SCHIP1: variants seen among roughly 807,000 people sequenced by gnomAD.
The protein encoded by SCHIP1 is schwannomin interacting protein 1, also known as schwannomin-interacting protein 1.
A neutral mutation model predicts 29.7 loss-of-function variants in SCHIP1; 8 were observed. That is an observed-to-expected ratio of 0.27 (90% CI 0.16 to 0.49). The LOEUF (loss-of-function observed/expected upper bound fraction) is 0.49. SCHIP1 is among the 20% of genes least tolerant of loss of function. The probability of loss-of-function intolerance (pLI) is 0.99; values close to 1 mark genes in which losing one functional copy is unlikely to be tolerated. For missense variants in SCHIP1, 193 were observed against 294.6 expected (o/e 0.66, Z 2.52); for synonymous variants, 76 against 94.9 (o/e 0.80, Z 1.16).
chr3:159,310,334 C>T, the SCHIP1 span, among the ~76,000 whole-genome samples: 2 of 152,158 alleles, frequency 1.3e-5, no homozygotes, highest in Non-Finnish European at 2.9e-5. Context: ...CCTTACTTCT[C>T]TCTCGCAGCC....
the SCHIP1 span, among the ~76,000 whole-genome samples, chr3:159,381,000 G>A: frequency 6.6e-6 from 1 of 152,192 alleles, no homozygotes; most frequent in Non-Finnish European, 1.5e-5. Context: ...CTATAAATGT[G>A]CAAATAAGTG....
chr3:159,325,205 A>G, the SCHIP1 span, among the ~76,000 whole-genome samples: 2 of 152,124 alleles, frequency 1.3e-5, no homozygotes, highest in Non-Finnish European at 2.9e-5. Context: ...AATTATTAAG[A>G]TAAGAATTAG....
chr3:159,826,693 T>C, the SCHIP1 span, among the ~76,000 whole-genome samples: 1 of 152,236 alleles, frequency 6.6e-6, no homozygotes, highest in Non-Finnish European at 1.5e-5. Context: ...GGTAGGTTTA[T>C]CTAAGATGCT....
chr3:159,549,205 C>T, the SCHIP1 span, among the ~76,000 whole-genome samples: 1 of 152,144 alleles, frequency 6.6e-6, no homozygotes, highest in African/African-American at 2.4e-5. Context: ...GAATTTGAGA[C>T]TTCCCCATTC....
At chr3:159,543,565 G>A in the SCHIP1 span, among the ~76,000 whole-genome samples, 1 of 151,362 alleles carries the variant, frequency 6.6e-6, no homozygotes, top group Non-Finnish European at 1.5e-5. Flanking sequence ...TTTTATGGCT[G>A]CATAGTATTC....
At chr3:159,392,162 G>A in the SCHIP1 span, among the ~76,000 whole-genome samples, 2 of 152,076 alleles carry the variant, frequency 1.3e-5, no homozygotes, top group African/African-American at 4.8e-5. Context: ...ATCAGCTTTA[G>A]TTATTTCATT....
chr3:159,327,154 A>G, the SCHIP1 span, among the ~76,000 whole-genome samples: 4 of 152,204 alleles, frequency 2.6e-5, no homozygotes, highest in Admixed American at 6.5e-5. Flanking sequence ...GTTGGTTTAA[A>G]ATTTCAAGGG....
At chr3:159,884,757 T>C (rs1170258318) in intron 2 of SCHIP1, among the ~76,000 whole-genome samples, 1 of 152,170 alleles carries the variant, frequency 6.6e-6, no homozygotes, top group Non-Finnish European at 1.5e-5. Context: ...GCTTTTGTAA[T>C]GTGCCTGGAG....
the SCHIP1 span, among the ~76,000 whole-genome samples, chr3:159,397,264 G>A: frequency 6.6e-6 from 1 of 151,928 alleles, no homozygotes; most frequent in Admixed American, 6.6e-5. Flanking sequence ...CCTTTGGTTT[G>A]AATGTCCTCC....
the SCHIP1 span, among the ~76,000 whole-genome samples, chr3:159,731,844 A>G: frequency 6.6e-6 from 1 of 152,030 alleles, no homozygotes; most frequent in African/African-American, 2.4e-5. Flanking sequence ...AGCCCACCAA[A>G]TATCTTTCTT....
chr3:159,542,875 T>C, the SCHIP1 span, among the ~76,000 whole-genome samples: 1,466 of 151,950 alleles, frequency 9.6e-3, 18 homozygotes, highest in Admixed American at 0.023. Flanking sequence ...ATAGTGCACA[T>C]TGCAAATTAG....
chr3:159,279,837 A>G, the SCHIP1 span, among the ~76,000 whole-genome samples: 88 of 152,302 alleles, frequency 5.8e-4, 1 homozygote, highest in South Asian at 0.011. Flanking sequence ...CCAGAAACCC[A>G]TGGAAAGGCA....
chr3:159,467,046 C>G, the SCHIP1 span, among the ~76,000 whole-genome samples: 1 of 152,050 alleles, frequency 6.6e-6, no homozygotes, highest in Non-Finnish European at 1.5e-5. Context: ...TATAAAACCT[C>G]CTGTTAATAC....
intron 2 of SCHIP1, among the ~76,000 whole-genome samples, chr3:159,880,549 T>C (rs956263133): frequency 6.6e-6 from 1 of 152,114 alleles, no homozygotes; most frequent in Non-Finnish European, 1.5e-5. Flanking sequence ...TCGTGAACCA[T>C]AAAATGCCCT....
chr3:159,827,811 C>CA, the SCHIP1 span, among the ~76,000 whole-genome samples: 10,050 of 75,140 alleles, frequency 0.13, 1,083 homozygotes, highest in African/African-American at 0.35. Flanking sequence ...GACTCCGTCT[C>CA]AAAAAAAAAA....
At chr3:159,454,959 A>C in the SCHIP1 span, among the ~76,000 whole-genome samples, 2 of 152,238 alleles carry the variant, frequency 1.3e-5, no homozygotes, top group African/African-American at 4.8e-5. Flanking sequence ...TTTGTGACTC[A>C]CAAAAATGTT....
At chr3:159,289,461 C>T in the SCHIP1 span, among the ~76,000 whole-genome samples, 1 of 151,908 alleles carries the variant, frequency 6.6e-6, no homozygotes, top group Non-Finnish European at 1.5e-5. Context: ...GTATCACAGT[C>T]CTTGTGTTTG....
chr3:159,888,068 A>G (rs1056121958), intron 4 of SCHIP1, 163 bp downstream of exon 5: 12 of 975,870 alleles, frequency 1.2e-5, no homozygotes, highest in Non-Finnish European at 1.5e-5. Flanking sequence ...TTTCCTTCCT[A>G]CTGTAGGACT....
chr3:159,655,376 A>G, the SCHIP1 span, among the ~76,000 whole-genome samples: 1 of 152,246 alleles, frequency 6.6e-6, no homozygotes, highest in East Asian at 1.9e-4. Context: ...TAGCAGTAGT[A>G]GTAGTGATGA....
Sources: gnomAD v4.1 joint callset for allele counts (sites outside exome capture counted in the v4.1 genomes callset) on GRCh38, gnomAD v4.1.1 for gene constraint, MANE v1.5 for transcripts, NCBI Gene and HGNC (gene_info 2026-07-23, HGNC 2026-07-21) for gene names.